The following RBFOX1 variants were observed in gnomAD, a reference collection of about 807,000 sequenced individuals.
RBFOX1 encodes RNA binding fox-1 homolog 1.
In RBFOX1, 8 loss-of-function variants were observed where a neutral mutation model predicts 57.7. The observed-to-expected ratio is 0.14, with a 90% CI of 0.08 to 0.25. The LOEUF (loss-of-function observed/expected upper bound fraction) is 0.25. Ranked by LOEUF, RBFOX1 falls within the 10% of genes least tolerant of loss-of-function variation. RBFOX1 has a pLI of 1.00. For missense variants in RBFOX1, 611 were observed against 548.5 expected (o/e 1.11, Z -1.14); for synonymous variants, 326 against 222.4 (o/e 1.47, Z -4.15).
intron 4 of RBFOX1, among the ~76,000 whole-genome samples, chr16:7,150,401 T>C (rs897500356): frequency 6.6e-6 from 1 of 152,160 alleles, no homozygotes; most frequent in Admixed American, 6.5e-5. Flanking sequence ...CGTCATGAAT[T>C]GGTCCCCGGG....
intron 3 of RBFOX1, among the ~76,000 whole-genome samples, chr16:6,659,430 G>A (rs1603177913): frequency 6.6e-6 from 1 of 152,118 alleles, no homozygotes; most frequent in Non-Finnish European, 1.5e-5. Flanking sequence ...AACACTGAGA[G>A]TTCTGAACTC....
chr16:7,471,165 T>G (rs1364209588), intron 4 of RBFOX1, among the ~76,000 whole-genome samples: 1 of 152,170 alleles, frequency 6.6e-6, no homozygotes, highest in Admixed American at 6.5e-5. Flanking sequence ...TTTCTATGAT[T>G]TGTGAATATG....
At chr16:7,400,656 C>A (rs2098226187) in intron 4 of RBFOX1, among the ~76,000 whole-genome samples, 1 of 152,148 alleles carries the variant, frequency 6.6e-6, no homozygotes, top group Non-Finnish European at 1.5e-5. Context: ...ATTCTTCAGC[C>A]ATTTGGAGGT....
chr16:6,000,499 T>A (rs2060578401), intron 4 of RBFOX1, among the ~76,000 whole-genome samples: 1 of 152,158 alleles, frequency 6.6e-6, no homozygotes. Context: ...ATGCCTGTCT[T>A]GTGTCTGCCA....
At chr16:7,100,925 A>AT (rs1253597359) in intron 4 of RBFOX1, among the ~76,000 whole-genome samples, 26 of 152,178 alleles carry the variant, frequency 1.7e-4, no homozygotes, top group South Asian at 1.0e-3. Flanking sequence ...AGTACAAGGG[A>AT]TTTTTTTTAA....
intron 3 of RBFOX1, chr16:5,616,254 C>T (rs146826534): frequency 6.6e-6 from 1 of 152,374 alleles, no homozygotes; most frequent in Admixed American, 6.5e-5. Context: ...CTCTGCCTCC[C>T]GCGGCTGGAA....
At chr16:5,636,606 T>C (rs184914620) in intron 3 of RBFOX1, among the ~76,000 whole-genome samples, 16 of 152,266 alleles carry the variant, frequency 1.1e-4, no homozygotes, top group Non-Finnish European at 2.4e-4. Context: ...ACTGGGCAGC[T>C]ACTGTGGCAC....
intron 3 of RBFOX1, among the ~76,000 whole-genome samples, chr16:6,978,668 T>A (rs2087783674): frequency 6.6e-6 from 1 of 152,200 alleles, no homozygotes; most frequent in African/African-American, 2.4e-5. Context: ...TGTCCCTTTC[T>A]TACCGACTTG....
At chr16:5,388,315 G>C (rs976620310) in intron 1 of RBFOX1, among the ~76,000 whole-genome samples, 12 of 152,128 alleles carry the variant, frequency 7.9e-5, no homozygotes, top group African/African-American at 2.9e-4. Context: ...GTAGTGGGAG[G>C]CTTCGGACAA....
At chr16:6,404,301 C>T (rs958180763) in intron 2 of RBFOX1, among the ~76,000 whole-genome samples, 5 of 152,104 alleles carry the variant, frequency 3.3e-5, no homozygotes, top group Non-Finnish European at 7.4e-5. Flanking sequence ...AAGTTGTATG[C>T]AAATTCCATG....
chr16:5,641,380 A>G (rs953318585), intron 3 of RBFOX1, among the ~76,000 whole-genome samples: 8 of 152,246 alleles, frequency 5.3e-5, no homozygotes, highest in Admixed American at 1.3e-4. Context: ...ACACAAGTAG[A>G]TACCTGCTGC....
In RBFOX1 at chr16:7,464,084, C is replaced by A. The variant is rs140489246; in HGVS notation, c.28-54063C>A. On this transcript the variant is annotated intron_variant, in intron 4 of 15. Transcript: ENST00000550418. The stretch of plus-strand genomic sequence containing the variant: ...CATGTCTTCCTTGTATCTATGCCAT[C>A]TTTATGATCTGCTTACTTGTACATT... Among the ~76,000 whole-genome samples the A allele has an allele frequency of 5.9e-5, 9 of 152,276 alleles. No homozygotes were observed. The East Asian group carries it at 1.7e-3, about 29-fold the overall frequency.
rs990802910 is a variant in RBFOX1, at chr16:6,097,855, G to A, written c.-127+77863G>A. 1.3e-5 allele frequency among the ~76,000 whole-genome samples: 2 copies of A among 151,962 alleles called. No homozygotes were observed. Among genetic ancestry groups the A allele is most frequent in the African/African-American group, 4.8e-5 (2 of 41,352 alleles). ...GGAGTGGAAGTCCCTTGGAAGTGGG[G>A]GACGTGTCTGATTTGTGCATGGCTA... On this transcript the variant is annotated intron_variant, in intron 1 of 15. Transcript: ENST00000550418. The surrounding 1 kb of genome is among the most constrained non-coding windows in gnomAD (Gnocchi z 5.0).
intron 1 of RBFOX1, among the ~76,000 whole-genome samples, chr16:6,183,978 G>A (rs888734258): frequency 3.3e-5 from 5 of 152,198 alleles, no homozygotes; most frequent in Non-Finnish European, 5.9e-5. Context: ...AAAGAAAAAA[G>A]TGGTTTAATG....
chr16:5,606,504 A>C (rs1412157873), intron 3 of RBFOX1, among the ~76,000 whole-genome samples: 1 of 149,604 alleles, frequency 6.7e-6, no homozygotes, highest in Admixed American at 6.7e-5. Context: ...TCTCTCCCTC[A>C]CTTCTCATCT....
intron 2 of RBFOX1, among the ~76,000 whole-genome samples, chr16:5,494,122 G>A (rs1455058406): frequency 6.6e-6 from 1 of 152,132 alleles, no homozygotes; most frequent in Non-Finnish European, 1.5e-5. Flanking sequence ...TTGCTGTCCT[G>A]AGGCTGGGGT....
intron 3 of RBFOX1, among the ~76,000 whole-genome samples, chr16:6,802,860 C>G (rs538463163): frequency 2.0e-5 from 3 of 152,276 alleles, no homozygotes; most frequent in East Asian, 1.9e-4. Flanking sequence ...CTTAAGTTGC[C>G]TTTCTTTTAA....
chr16:5,336,485 C>T (rs999327187), intron 1 of RBFOX1, among the ~76,000 whole-genome samples: 2 of 152,286 alleles, frequency 1.3e-5, no homozygotes, highest in East Asian at 3.9e-4. Flanking sequence ...GGTGCTGATC[C>T]TTCTCCAGGC....
At chr16:5,560,871 G>A (rs533394112) in intron 2 of RBFOX1, among the ~76,000 whole-genome samples, 1 of 152,160 alleles carries the variant, frequency 6.6e-6, no homozygotes, top group Non-Finnish European at 1.5e-5. Flanking sequence ...GCCTCTGAAG[G>A]CAGCCCTGGT....
Sources: gnomAD v4.1 joint callset for allele counts (sites outside exome capture counted in the v4.1 genomes callset) on GRCh38, gnomAD v4.1.1 for gene constraint, Gnocchi (gnomAD v3.1) non-coding constraint, MANE v1.5 for transcripts, NCBI Gene and HGNC (gene_info 2026-07-23, HGNC 2026-07-21) for gene names.